The following CFAP20DC variants were observed in gnomAD, a reference collection of about 807,000 sequenced individuals.
CFAP20DC encodes the protein protein CFAP20DC.
In CFAP20DC, 84 loss-of-function variants were observed where a neutral mutation model predicts 101.7. The ratio of observed to expected loss-of-function variants is 0.83; its 90% CI spans 0.69 to 0.99. The LOEUF is 0.99. Ranked by LOEUF, CFAP20DC falls within the 50% of genes least tolerant of loss-of-function variation. CFAP20DC has a pLI of 0.00. For synonymous variants in CFAP20DC, 359 were observed against 351.2 expected (o/e 1.02, Z -0.25); for missense variants, 1,007 against 970.3 (o/e 1.04, Z -0.50).
intron 14 of CFAP20DC, among the ~76,000 whole-genome samples, chr3:58,812,231 T>C (rs1316220641): frequency 6.6e-6 from 1 of 152,134 alleles, no homozygotes; most frequent in Non-Finnish European, 1.5e-5. Flanking sequence ...CTATAAATCA[T>C]GCTGCTATAA....
intron 4 of CFAP20DC, among the ~76,000 whole-genome samples, chr3:59,024,558 C>G (rs1046630750): frequency 1.3e-5 from 2 of 152,080 alleles, no homozygotes; most frequent in African/African-American, 4.8e-5. Flanking sequence ...GCCATTCTAT[C>G]AGTCATTTCT....
intron 15 of CFAP20DC, among the ~76,000 whole-genome samples, chr3:58,794,774 A>G (rs879684746): frequency 6.6e-6 from 1 of 152,134 alleles, no homozygotes; most frequent in African/African-American, 2.4e-5. Context: ...CTGCCTAATG[A>G]CATGCAGTGT....
chr3:58,842,752 T>A (rs2077249657), intron 13 of CFAP20DC, among the ~76,000 whole-genome samples: 1 of 152,212 alleles, frequency 6.6e-6, no homozygotes, highest in African/African-American at 2.4e-5. Context: ...CTCTGCAGAC[T>A]TAAGTGTCCC....
In CFAP20DC at chr3:58,914,994, G is replaced by A. The variant is rs958374428; in HGVS notation, c.394-1130C>T. On this transcript the variant is annotated intron_variant, in intron 5 of 16. Coordinates refer to ENST00000482387, the MANE Select transcript of CFAP20DC (RefSeq NM_001394063.1). This position sits in a 1 kb window ranked among gnomAD's most constrained non-coding sequence, Gnocchi z 4.9. ...CTGGCAGAATGGTGAACACTGGAGC[G>A]GAATGAAGTAATGTAAGATGGCCCA... is the stretch of plus-strand genomic sequence containing the variant. 5 of 152,054 alleles carry A rather than the reference G, an allele frequency of 3.3e-5. No individual in the cohort carries two copies. The highest frequency in any genetic ancestry group is 6.6e-5 in the Admixed American group (1 of 15,240). The allele number at this position is 152,054 out of a possible 1,614,324, so 9.4% of individuals were successfully genotyped here.
intron 4 of CFAP20DC, among the ~76,000 whole-genome samples, chr3:58,978,572 G>C (rs1027730908): frequency 2.6e-5 from 4 of 151,968 alleles, no homozygotes; most frequent in Non-Finnish European, 4.4e-5. Flanking sequence ...AGCCAGGCTT[G>C]GTGGTACACG....
rs2073502046 is a variant in CFAP20DC at position 58,799,435 on chromosome 3, C to T, written c.2237+6960G>A. Among the ~76,000 whole-genome samples the T allele has an allele frequency of 6.6e-6, 1 of 152,124 alleles. No individual in the cohort carries two copies. Among genetic ancestry groups the T allele is most frequent in the Non-Finnish European group, 1.5e-5 (1 of 68,026 alleles). On this transcript the variant is annotated intron_variant, in intron 15 of 16. Transcript: ENST00000482387. This position sits in a 1 kb window ranked among gnomAD's most constrained non-coding sequence, Gnocchi z 4.9. ...TGGGAACAGGGCCAGGTACTAGAGA[C>T]TCTTAAGGTAGAGAAGTATACAGGT...
intron 3 of CFAP20DC, chr3:58,726,917 A>G (rs1264695779): frequency 2.1e-5 from 5 of 242,682 alleles, no homozygotes; most frequent in African/African-American, 1.2e-4. Flanking sequence ...AGAAGAGATG[A>G]GAGCGACCCA....
intron 13 of CFAP20DC, among the ~76,000 whole-genome samples, chr3:58,836,023 G>A (rs1165413276): frequency 6.6e-6 from 1 of 152,166 alleles, no homozygotes; most frequent in Non-Finnish European, 1.5e-5. Flanking sequence ...ACGAGGCAAT[G>A]GGCTGAAGGC....
intron 15 of CFAP20DC, among the ~76,000 whole-genome samples, chr3:58,771,604 C>T (rs1032731489): frequency 8.5e-5 from 13 of 152,080 alleles, no homozygotes; most frequent in African/African-American, 2.9e-4. Flanking sequence ...GCTCTCTGAC[C>T]TTCTACTTTG....
chr3:58,890,232 C>A (rs2082052191), intron 6 of CFAP20DC, among the ~76,000 whole-genome samples: 1 of 149,392 alleles, frequency 6.7e-6, no homozygotes, highest in Non-Finnish European at 1.5e-5. Flanking sequence ...GGCAGAGGGG[C>A]TCTTCACTTC....
chr3:59,035,789 T>A (rs1403006147), intron 4 of CFAP20DC, among the ~76,000 whole-genome samples: 3 of 152,128 alleles, frequency 2.0e-5, no homozygotes, highest in African/African-American at 7.2e-5. Context: ...TGGTACCAGT[T>A]CTTCTGAAAC....
chr3:58,785,795 C>T (rs2072279054), intron 15 of CFAP20DC, among the ~76,000 whole-genome samples: 1 of 152,084 alleles, frequency 6.6e-6, no homozygotes. Flanking sequence ...GAAGCAAACA[C>T]AGGAAAAACT....
intron 14 of CFAP20DC, among the ~76,000 whole-genome samples, chr3:58,813,311 C>G (rs989555723): frequency 1.3e-5 from 2 of 151,880 alleles, no homozygotes; most frequent in Non-Finnish European, 2.9e-5. Flanking sequence ...TTCCTTTGTT[C>G]TATAACGGGA....
At chr3:58,725,346 T>C (rs1317738039) in intron 3 of CFAP20DC, among the ~76,000 whole-genome samples, 1 of 152,256 alleles carries the variant, frequency 6.6e-6, no homozygotes, top group Admixed American at 6.5e-5. Flanking sequence ...GTGGAGCTCT[T>C]TGGACTGTTT....
At chr3:58,744,849 C>A (rs1208055488) in intron 16 of CFAP20DC, among the ~76,000 whole-genome samples, 1 of 152,112 alleles carries the variant, frequency 6.6e-6, no homozygotes, top group Non-Finnish European at 1.5e-5. Context: ...AAGGGTGAAG[C>A]AGAGAGTGGG....
intron 4 of CFAP20DC, among the ~76,000 whole-genome samples, chr3:59,010,445 C>T (rs2093556584): frequency 1.3e-5 from 2 of 151,920 alleles, no homozygotes; most frequent in Non-Finnish European, 2.9e-5. Flanking sequence ...AAAGCAACAA[C>T]AGTAAAAAAA....
In CFAP20DC at chr3:58,863,912, A is replaced by G. The variant is rs571764983; in HGVS notation, c.1259-20T>C. ...ACTCATCTGACAGTTGGAAAAGATGACAAAAATTAGAGCAGTAATCCATAA... is the reference window on the plus strand; with the variant it reads ...ACTCATCTGACAGTTGGAAAAGATGGCAAAAATTAGAGCAGTAATCCATAA... On this transcript the variant is annotated intron_variant, in intron 11 of 16. Transcript: ENST00000482387. This position sits in a 1 kb window ranked among gnomAD's most constrained non-coding sequence, Gnocchi z 5.9. 8 of 1,586,138 alleles carry G rather than the reference A, an allele frequency of 5.0e-6. No homozygotes were observed. Among genetic ancestry groups the G allele is most frequent in the Non-Finnish European group, 6.8e-6 (8 of 1,168,084 alleles).
At chr3:58,773,285 T>C (rs2071020769) in intron 15 of CFAP20DC, among the ~76,000 whole-genome samples, 1 of 151,486 alleles carries the variant, frequency 6.6e-6, no homozygotes, top group Non-Finnish European at 1.5e-5. Context: ...GTGCAGTGGC[T>C]CATGCCTGTA....
At chr3:58,736,456 T>C (rs1275603282) in intron 3 of CFAP20DC, among the ~76,000 whole-genome samples, 3 of 152,304 alleles carry the variant, frequency 2.0e-5, no homozygotes, top group East Asian at 1.9e-4. Context: ...TATTTATAGA[T>C]TACTAAAACT....
Sources: gnomAD v4.1 joint callset for allele counts (sites outside exome capture counted in the v4.1 genomes callset) on GRCh38, gnomAD v4.1.1 for gene constraint, Gnocchi (gnomAD v3.1) non-coding constraint, MANE v1.5 for transcripts, NCBI Gene and HGNC (gene_info 2026-07-23, HGNC 2026-07-21) for gene names.